The following CSTF1 variants were observed in gnomAD, a reference collection of about 807,000 sequenced individuals.
CSTF1 encodes the protein CF-1 50 kDa subunit.
In CSTF1, 2 loss-of-function variants were observed where a neutral mutation model predicts 40.9. The ratio of observed to expected loss-of-function variants is 0.05; its 90% CI spans 0.02 to 0.15. The LOEUF (loss-of-function observed/expected upper bound fraction) is 0.15, where lower values mean the gene tolerates loss of function less well. CSTF1 is among the 10% of genes least tolerant of loss of function. CSTF1 has a pLI of 1.00. For synonymous variants in CSTF1, 218 were observed against 207.2 expected, an observed-to-expected ratio of 1.05 and a Z score of -0.45; for missense variants, 279 against 558.9, an observed-to-expected ratio of 0.50 and a Z score of 5.05.
Position 56,399,332 on chromosome 20 carries a change from G to C in CSTF1, c.1011G>C (p.Thr337=). 2 of 1,612,564 alleles carry C rather than the reference G, an allele frequency of 1.2e-6. No homozygotes were observed. The highest frequency in any genetic ancestry group is 1.7e-6 in the Non-Finnish European group (2 of 1,179,272). The change falls in exon 5 of 6, where the codon ACG becomes ACC. Residue 337 remains threonine, a synonymous_variant. Transcript: ENST00000217109. The surrounding 1 kb of genome is among the most constrained non-coding windows in gnomAD (Gnocchi z 4.6). The part of the protein sequence containing the change: ...DSVAKLWEIS[T]GRTLVRYTGA... ...TAGCTAAACTTTGGGAAATATCAAC[G>C]GGACGAACACTGGTCAGATACACGG...
At chr20:56,402,319 AAAAG>A (rs759322433) in intron 5 of CSTF1, among the ~76,000 whole-genome samples, 5,821 of 151,952 alleles carry the variant, frequency 0.038, 140 homozygotes, top group Admixed American at 0.065. Context: ...AAAAAAAAAA[AAAAG>A]AGAGAATTTA....
chr20:56,399,341 A>C lies in CSTF1; in HGVS notation c.1020A>C (p.Thr340=), dbSNP rs762732695. ...TTTGGGAAATATCAACGGGACGAACACTGGTCAGATACACGGGTATGTGAG... is the reference window on the plus strand; with the variant it reads ...TTTGGGAAATATCAACGGGACGAACCCTGGTCAGATACACGGGTATGTGAG... ...AKLWEISTGR[T]LVRYTGAGLS... The change falls in exon 5 of 6, where the codon ACA becomes ACC. Residue 340 remains threonine (T), a synonymous_variant. Coordinates refer to ENST00000217109, the MANE Select transcript of CSTF1 (RefSeq NM_001324.3). The surrounding 1 kb of genome is among the most constrained non-coding windows in gnomAD (Gnocchi z 4.6). 1.2e-6 allele frequency: 2 copies of C among 1,611,364 alleles called. No individual in the cohort carries two copies. Among genetic ancestry groups the C allele is most frequent in the South Asian group, 2.2e-5 (2 of 91,054 alleles).
Position 56,404,913 on chromosome 20 carries a change from C to G in CSTF1, c.*1186C>G, listed in dbSNP as rs1978643638. The G allele has an allele frequency of 6.7e-6, 1 of 150,130 alleles. No individual in the cohort carries two copies. Among genetic ancestry groups the G allele is most frequent in the Non-Finnish European group, 1.5e-5 (1 of 67,874 alleles). The allele number at this position is 150,130 out of a possible 1,614,324, so 9.3% of individuals were successfully genotyped here. A position where few individuals can be genotyped will look rare whatever the true frequency, so the allele number is the denominator to read the frequency against. ...ATCTCCTGACCTCGTGATCCGCCTG[C>G]CTCAGCCTCCCAAAGTTTTGGGATT... On this transcript the variant is annotated 3_prime_UTR_variant, in exon 6 of 6. Transcript: ENST00000217109.
rs1448159082 is a variant in CSTF1, at chr20:56,403,830, T to G, written c.*103T>G. ...CCGTGCACCATCCTTGACGTTTTGCTGCCACCTCTGTCCACATTCTTCTTG... is the reference window on the plus strand; with the variant it reads ...CCGTGCACCATCCTTGACGTTTTGCGGCCACCTCTGTCCACATTCTTCTTG... On this transcript the variant is annotated 3_prime_UTR_variant, in exon 6 of 6. Transcript: ENST00000217109. 18 of 1,142,680 alleles carry G rather than the reference T, an allele frequency of 1.6e-5. No individual in the cohort carries two copies. In the Admixed American group the frequency reaches 3.9e-4, roughly 25 times the overall value. The allele number at this position is 1,142,680 out of a possible 1,614,324, so 70.8% of individuals were successfully genotyped here. A position where few individuals can be genotyped will look rare whatever the true frequency, so the allele number is the denominator to read the frequency against.
Position 56,397,624 on chromosome 20 carries a change from A to T in CSTF1, c.448-20A>T. Reference sequence around the variant, plus strand: ...TTCAGACACATTCTGTGCCTTGAGCATCTCTTCTTGTTGGTCTAGGTCATG... The same window carrying T: ...TTCAGACACATTCTGTGCCTTGAGCTTCTCTTCTTGTTGGTCTAGGTCATG... On this transcript the variant is annotated intron_variant, in intron 3 of 5. Transcript: ENST00000217109. This position sits in a 1 kb window ranked among gnomAD's most constrained non-coding sequence, Gnocchi z 4.4. 1 of 1,612,832 alleles carries T rather than the reference A, an allele frequency of 6.2e-7. No homozygotes were observed. The highest frequency in any genetic ancestry group is 8.5e-7 in the Non-Finnish European group (1 of 1,178,808).
At chr20:56,395,968 C>A (rs535503833) in intron 2 of CSTF1, 9 of 383,238 alleles carry the variant, frequency 2.3e-5, no homozygotes, top group African/African-American at 1.7e-4. Context: ...CTGGAACACT[C>A]TGTCAGACAT....
Position 56,404,851 on chromosome 20 carries a change from G to C in CSTF1, c.*1124G>C, listed in dbSNP as rs1385501728. On this transcript the variant is annotated 3_prime_UTR_variant, in exon 6 of 6. Coordinates refer to ENST00000217109, the MANE Select transcript of CSTF1 (RefSeq NM_001324.3). ...TTTTTTTTTTTTTGTATTTTTAGTA[G>C]AGCCAGGGTTTCACCATGTTAGCCA... 2.8e-5 allele frequency: 2 copies of C among 70,640 alleles called. No individual in the cohort carries two copies. Among genetic ancestry groups the C allele is most frequent in the Non-Finnish European group, 4.7e-5 (2 of 42,188 alleles). The allele number at this position is 70,640 out of a possible 1,614,324, so 4.4% of individuals were successfully genotyped here. A position where few individuals can be genotyped will look rare whatever the true frequency, so the allele number is the denominator to read the frequency against.
At chr20:56,402,540 G>T (rs187666450) in intron 5 of CSTF1, among the ~76,000 whole-genome samples, 1 of 152,242 alleles carries the variant, frequency 6.6e-6, no homozygotes, top group Admixed American at 6.5e-5. Context: ...CAGTAATTCT[G>T]TCTCTAGGAA....
Position 56,404,951 on chromosome 20 carries a change from C to T in CSTF1, c.*1224C>T, listed in dbSNP as rs1321953641. 2 of 151,386 alleles carry T rather than the reference C, an allele frequency of 1.3e-5. No individual in the cohort carries two copies. The highest frequency in any genetic ancestry group is 2.9e-5 in the Non-Finnish European group (2 of 67,990). 9.4% of individuals were successfully genotyped at this position (151,386 alleles called of 1,614,324 possible). The stretch of plus-strand genomic sequence containing the variant: ...AAGTTTTGGGATTACAGGCGTGAGC[C>T]ACCGCGCCCAGCCTTCCTGAAGCTT... On this transcript the variant is annotated 3_prime_UTR_variant, in exon 6 of 6. Coordinates refer to ENST00000217109, the MANE Select transcript of CSTF1 (RefSeq NM_001324.3).
At chr20:56,398,158 A>T (rs924040566) in intron 4 of CSTF1, among the ~76,000 whole-genome samples, 2 of 151,958 alleles carry the variant, frequency 1.3e-5, no homozygotes, top group East Asian at 1.9e-4. Context: ...TTAGAGGAAT[A>T]AAAAAAAAGT....
chr20:56,403,125 A>G (rs987269470), intron 5 of CSTF1, among the ~76,000 whole-genome samples: 3 of 152,164 alleles, frequency 2.0e-5, no homozygotes, highest in Admixed American at 6.5e-5. Flanking sequence ...TTATGCCTCA[A>G]AGTACATTAG....
chr20:56,394,497 G>C (rs759610543), intron 1 of CSTF1, among the ~76,000 whole-genome samples: 23 of 152,246 alleles, frequency 1.5e-4, no homozygotes, highest in Admixed American at 4.6e-4. Context: ...TGAGACAGGA[G>C]AATAGCTTGA....
rs1486215465 is a variant in CSTF1 at position 56,406,359 on chromosome 20, A to G, written c.*2632A>G. On this transcript the variant is annotated 3_prime_UTR_variant, in exon 6 of 6. Coordinates refer to ENST00000217109, the MANE Select transcript of CSTF1 (RefSeq NM_001324.3). ...ATTTCTGAAATAAACTTTATATACA[A>G]TGATAAGCTAGTTTATTTTTTTTGG... The G allele has an allele frequency of 6.6e-6, 1 of 152,028 alleles. No individual in the cohort carries two copies. The highest frequency in any genetic ancestry group is 6.6e-5 in the Admixed American group (1 of 15,262). The allele number at this position is 152,028 out of a possible 1,614,324, so 9.4% of individuals were successfully genotyped here.
rs755372580 is a variant in CSTF1, at chr20:56,398,959, C to T, written c.646-8C>T. 1.9e-6 allele frequency: 3 copies of T among 1,591,124 alleles called. No homozygotes were observed. In the South Asian group the frequency reaches 3.4e-5, roughly 18 times the overall value. ...TGGTCACTTGTATTAATGTCTCTGT[C>T]CCAACAGGAAGCTGAAATGTTACGT... On this transcript the variant is annotated splice_polypyrimidine_tract_variant and splice_region_variant and intron_variant, in intron 4 of 5. Coordinates refer to ENST00000217109, the MANE Select transcript of CSTF1 (RefSeq NM_001324.3).
chr20:56,403,673 G>T lies in CSTF1; in HGVS notation c.1242G>T (p.Thr414=). ...VHSPTNPGFM[T]CSDDFRARFW... ...CCCCCACCAACCCCGGGTTCATGAC[G>T]TGCAGCGATGACTTCAGAGCGCGGT... The change falls in exon 6 of 6, where the codon ACG becomes ACT. Residue 414 remains threonine, a synonymous_variant. Transcript: ENST00000217109. 6.2e-7 allele frequency: 1 copy of T among 1,614,062 alleles called. No homozygotes were observed. Among genetic ancestry groups the T allele is most frequent in the South Asian group, 1.1e-5 (1 of 91,082 alleles).
chr20:56,395,756 C>A, intron 2 of CSTF1, 35 bp downstream of exon 2: 1 of 1,601,566 alleles, frequency 6.2e-7, no homozygotes, highest in Non-Finnish European at 8.5e-7. Context: ...CGTCCCATGG[C>A]AAGGTTTTAG....
rs1023525625 is a variant in CSTF1, at chr20:56,397,938, T to C, written c.645+97T>C. 9.0e-6 allele frequency: 9 copies of C among 995,012 alleles called. No homozygotes were observed. The African/African-American group carries it at 9.7e-5, about 11-fold the overall frequency. The allele number at this position is 995,012 out of a possible 1,614,324, so 61.6% of individuals were successfully genotyped here. A position where few individuals can be genotyped will look rare whatever the true frequency, so the allele number is the denominator to read the frequency against. On this transcript the variant is annotated intron_variant, in intron 4 of 5. Transcript: ENST00000217109. The surrounding 1 kb of genome is among the most constrained non-coding windows in gnomAD (Gnocchi z 4.4). ...TTAAAAGTAGTCTCAGTGATCATCC[T>C]GTAAGATGCGTACAGACCAGGATGC...
At chr20:56,395,917 CCTTAAG>C (rs1987505492) in intron 2 of CSTF1, 196 bp downstream of exon 2, 1 of 562,950 alleles carries the variant, frequency 1.8e-6, no homozygotes, top group Non-Finnish European at 3.1e-6. Context: ...ATTATGAAGA[CCTTAAG>C]CTGGTTCTGG....
chr20:56,403,883 C>A lies in CSTF1; in HGVS notation c.*156C>A. The A allele has an allele frequency of 1.3e-6, 1 of 757,710 alleles. No individual in the cohort carries two copies. The highest frequency in any genetic ancestry group is 2.1e-6 in the Non-Finnish European group (1 of 474,608). The allele number at this position is 757,710 out of a possible 1,614,324, so 46.9% of individuals were successfully genotyped here. ...TTTGTATAAAAGAATCTTTTTTTAC[C>A]TTGATGTAGAATCATGGTGGAAAAA... On this transcript the variant is annotated 3_prime_UTR_variant, in exon 6 of 6. Transcript: ENST00000217109.
Sources: gnomAD v4.1 joint callset for allele counts (sites outside exome capture counted in the v4.1 genomes callset) on GRCh38, gnomAD v4.1.1 for gene constraint, Gnocchi (gnomAD v3.1) non-coding constraint, MANE v1.5 for transcripts, NCBI Gene and HGNC (gene_info 2026-07-23, HGNC 2026-07-21) for gene names.